The following EYS variants were observed in gnomAD, a reference collection of about 807,000 sequenced individuals.
The protein encoded by EYS is protein eyes shut homolog.
In EYS, 250 loss-of-function variants were observed where a neutral mutation model predicts 282.1. That is an observed-to-expected ratio of 0.89 (90% CI 0.80 to 0.98). The LOEUF is 0.98. EYS is among the 50% of genes least tolerant of loss of function. The pLI, the probability that EYS is intolerant of heterozygous loss-of-function variation, is 0.00. For missense variants in EYS, 4,016 were observed against 3,709.0 expected, an observed-to-expected ratio of 1.08 and a Z score of -2.15; for synonymous variants, 1,355 against 1,282.9, an observed-to-expected ratio of 1.06 and a Z score of -1.20.
intron 12 of EYS, among the ~76,000 whole-genome samples, chr6:65,203,559 T>C (rs1375797297): frequency 6.6e-6 from 1 of 151,988 alleles, no homozygotes; most frequent in Non-Finnish European, 1.5e-5. Context: ...AGTCACACTC[T>C]CAAGGAGGAA....
intron 29 of EYS, among the ~76,000 whole-genome samples, chr6:64,378,423 T>G (rs969438381): frequency 3.3e-5 from 5 of 152,116 alleles, no homozygotes; most frequent in Non-Finnish European, 7.4e-5. Flanking sequence ...AAATGCTTCA[T>G]AACATGAGCT....
intron 35 of EYS, among the ~76,000 whole-genome samples, chr6:63,942,446 A>G (rs988935687): frequency 4.6e-5 from 7 of 152,226 alleles, no homozygotes; most frequent in Non-Finnish European, 8.8e-5. Flanking sequence ...AGACATCTCT[A>G]TTAAGGTGTC....
chr6:65,576,226 A>G (rs548194355), intron 2 of EYS, among the ~76,000 whole-genome samples: 1 of 152,060 alleles, frequency 6.6e-6, no homozygotes, highest in Non-Finnish European at 1.5e-5. Context: ...AGGATCACTT[A>G]CTATAATCAA....
chr6:63,962,393 G>A (rs1766107652), intron 35 of EYS, among the ~76,000 whole-genome samples: 1 of 151,950 alleles, frequency 6.6e-6, no homozygotes, highest in South Asian at 2.1e-4. Context: ...AATCTACAAA[G>A]AACTCAAACA....
intron 31 of EYS, among the ~76,000 whole-genome samples, chr6:64,192,625 C>T (rs1274264620): frequency 6.6e-6 from 1 of 152,060 alleles, no homozygotes; most frequent in African/African-American, 2.4e-5. Flanking sequence ...ACTGGCTAGC[C>T]ATATGTAGAA....
intron 5 of EYS, among the ~76,000 whole-genome samples, chr6:65,476,554 T>G (rs1765411173): frequency 6.6e-6 from 1 of 152,070 alleles, no homozygotes; most frequent in South Asian, 2.1e-4. Flanking sequence ...CAGGAAATGT[T>G]CATTTATTAC....
rs531569219 is a variant in EYS at position 65,451,862 on chromosome 6, T to C, written c.862+38732A>G. Among the ~76,000 whole-genome samples the C allele has an allele frequency of 2.6e-5, 4 of 152,020 alleles. No individual in the cohort carries two copies. In the South Asian group the frequency reaches 8.3e-4, roughly 32 times the overall value. ...TTCCAAATTAAAGTGTCTAATTTTT[T>C]AAAAAATGTATTCAATGGTATGTTA... On this transcript the variant is annotated intron_variant, in intron 5 of 42. Transcript: ENST00000503581.
intron 8 of EYS, among the ~76,000 whole-genome samples, chr6:65,355,863 T>C (rs1158341455): frequency 6.6e-6 from 1 of 152,084 alleles, no homozygotes; most frequent in East Asian, 1.9e-4. Context: ...AATGGAATGC[T>C]TATGCCCTGC....
intron 18 of EYS, among the ~76,000 whole-genome samples, chr6:64,900,663 A>G (rs559274264): frequency 6.6e-6 from 1 of 152,346 alleles, no homozygotes; most frequent in African/African-American, 2.4e-5. Flanking sequence ...GAGAAATACA[A>G]ATCAAAACCA....
At chr6:63,899,135 G>T (rs1365720856) in intron 35 of EYS, among the ~76,000 whole-genome samples, 3 of 152,132 alleles carry the variant, frequency 2.0e-5, no homozygotes, top group Non-Finnish European at 4.4e-5. Context: ...GACAATTCTG[G>T]AATGATTAAT....
At chr6:64,270,349 A>G (rs1767901989) in intron 30 of EYS, among the ~76,000 whole-genome samples, 2 of 151,930 alleles carry the variant, frequency 1.3e-5, no homozygotes, top group African/African-American at 4.8e-5. Flanking sequence ...AATCAGTACT[A>G]GGTAAGAAGA....
intron 13 of EYS, among the ~76,000 whole-genome samples, chr6:65,025,940 G>A (rs560457740): frequency 6.6e-6 from 1 of 152,124 alleles, no homozygotes; most frequent in Non-Finnish European, 1.5e-5. Context: ...TCATACAAGA[G>A]CTTATTTTAA....
chr6:65,482,633 A>C (rs552013429), intron 5 of EYS, among the ~76,000 whole-genome samples: 2 of 152,214 alleles, frequency 1.3e-5, no homozygotes, highest in African/African-American at 4.8e-5. Context: ...TGTACTTTAC[A>C]TTGGAAAATA....
At position 64,143,040 on chromosome 6, in the gene EYS, G is replaced by A. The variant is rs78430898; in HGVS notation, c.6425-61038C>T. Among the ~76,000 whole-genome samples the A allele has an allele frequency of 3.0e-3, 450 of 152,252 alleles. 2 individuals are homozygous for A. The highest frequency in any genetic ancestry group is 0.01 in the African/African-American group (418 of 41,564). ...GAAAAGATGTGGAAGAAATGTAAAC[G>A]CATATCACTAAATGAAAGAAGCCAG... On this transcript the variant is annotated intron_variant, in intron 31 of 42. Coordinates refer to ENST00000503581, the MANE Select transcript of EYS (RefSeq NM_001142800.2).
At chr6:65,575,367 GA>G (rs1335146946) in intron 2 of EYS, among the ~76,000 whole-genome samples, 1 of 99,996 alleles carries the variant, frequency 1.0e-5, no homozygotes, top group African/African-American at 3.3e-5. Flanking sequence ...TTGATTAAAA[GA>G]AAAAAGTTTA....
chr6:63,989,722 CGTGTTATGCTGCCTTAGAATCT>C (rs2149795571), intron 34 of EYS, among the ~76,000 whole-genome samples: 1 of 151,442 alleles, frequency 6.6e-6, no homozygotes, highest in African/African-American at 2.4e-5. Context: ...CCTCTTTCCC[CGTGTTATGCTGCCTTAGAATCT>C]CGATATTTTG....
intron 15 of EYS, among the ~76,000 whole-genome samples, chr6:64,929,103 T>C (rs1768617062): frequency 6.6e-6 from 1 of 152,098 alleles, no homozygotes; most frequent in Admixed American, 6.5e-5. Context: ...GATATTCAAA[T>C]GAAAGTGAAT....
At chr6:64,936,038 C>T (rs1351220687) in intron 15 of EYS, among the ~76,000 whole-genome samples, 1 of 151,448 alleles carries the variant, frequency 6.6e-6, no homozygotes, top group Non-Finnish European at 1.5e-5. Flanking sequence ...ACCCCAAATT[C>T]CTTCATGAAG....
At chr6:63,863,638 T>TTTTTTTC (rs1488816876) in intron 36 of EYS, among the ~76,000 whole-genome samples, 2 of 123,750 alleles carry the variant, frequency 1.6e-5, no homozygotes, top group African/African-American at 6.3e-5. Flanking sequence ...TCATTACCAC[T>TTTTTTTC]TTTTCTTTTC....
Sources: allele counts gnomAD v4.1 joint callset (sites outside exome capture counted in the v4.1 genomes callset), GRCh38; gene constraint gnomAD v4.1.1; transcripts MANE v1.5; gene names NCBI Gene and HGNC (gene_info 2026-07-23, HGNC 2026-07-21).